The following SLC4A10 variants were observed in gnomAD, a reference collection of about 807,000 sequenced individuals.
SLC4A10 encodes solute carrier family 4 member 10.
In SLC4A10, 42 loss-of-function variants were observed where a neutral mutation model predicts 137.7. The observed-to-expected ratio is 0.30, with a 90% CI of 0.24 to 0.39. The LOEUF (loss-of-function observed/expected upper bound fraction) is 0.39, where lower values mean the gene tolerates loss of function less well. Ranked by LOEUF, SLC4A10 falls within the 10% of genes least tolerant of loss-of-function variation. The probability of loss-of-function intolerance (pLI) is 1.00; values close to 1 mark genes in which losing one functional copy is unlikely to be tolerated. For synonymous variants in SLC4A10, 474 were observed against 464.1 expected (o/e 1.02, Z -0.27); for missense variants, 925 against 1,355.0 (o/e 0.68, Z 4.98).
chr2:161,739,216 G>A (rs1253681058), intron 1 of SLC4A10, among the ~76,000 whole-genome samples: 2 of 152,042 alleles, frequency 1.3e-5, no homozygotes, highest in Admixed American at 6.6e-5. Flanking sequence ...TGCATCCTTC[G>A]CTACCCTCTT....
chr2:161,719,938 C>G (rs1172757893), intron 1 of SLC4A10, among the ~76,000 whole-genome samples: 1 of 152,252 alleles, frequency 6.6e-6, no homozygotes, highest in Admixed American at 6.5e-5. Flanking sequence ...GTTGCCATTG[C>G]GTTTGGTGTT....
At chr2:161,947,285 T>C (rs1320456524) in intron 16 of SLC4A10, among the ~76,000 whole-genome samples, 1 of 152,164 alleles carries the variant, frequency 6.6e-6, no homozygotes, top group Non-Finnish European at 1.5e-5. Context: ...TAGTAGATAT[T>C]AGATTTAATA....
chr2:161,695,137 T>C (rs533109632), intron 1 of SLC4A10, among the ~76,000 whole-genome samples: 1 of 152,152 alleles, frequency 6.6e-6, no homozygotes, highest in South Asian at 2.1e-4. Context: ...AACTTTACAA[T>C]ACAGAGAAAT....
At chr2:161,807,603 T>G (rs2056127477) in intron 3 of SLC4A10, among the ~76,000 whole-genome samples, 1 of 152,216 alleles carries the variant, frequency 6.6e-6, no homozygotes, top group Non-Finnish European at 1.5e-5. Context: ...CTAGTCTGAT[T>G]GCATAGCATG....
At chr2:161,814,003 G>C (rs1403311211) in intron 3 of SLC4A10, among the ~76,000 whole-genome samples, 1 of 151,978 alleles carries the variant, frequency 6.6e-6, no homozygotes, top group East Asian at 1.9e-4. Flanking sequence ...GATATCCACT[G>C]TTCTGGAAAC....
chr2:161,812,698 G>A (rs1388005268), intron 3 of SLC4A10, among the ~76,000 whole-genome samples: 1 of 151,994 alleles, frequency 6.6e-6, no homozygotes, highest in East Asian at 1.9e-4. Flanking sequence ...AGGATATGAT[G>A]TCATTCTTTT....
At chr2:161,751,582 A>T (rs1042734571) in intron 1 of SLC4A10, among the ~76,000 whole-genome samples, 4 of 151,740 alleles carry the variant, frequency 2.6e-5, no homozygotes, top group Non-Finnish European at 5.9e-5. Context: ...GAGGGAATTG[A>T]TCATATATAG....
chr2:161,811,856 A>G (rs1416294420), intron 3 of SLC4A10, among the ~76,000 whole-genome samples: 1 of 151,982 alleles, frequency 6.6e-6, no homozygotes, highest in Non-Finnish European at 1.5e-5. Context: ...GCCATTTCTA[A>G]TTTAATTGAC....
chr2:161,636,705 TAA>T, intron 1 of SLC4A10, among the ~76,000 whole-genome samples: 1 of 152,008 alleles, frequency 6.6e-6, no homozygotes, highest in South Asian at 2.1e-4. Context: ...TTTATTTTTT[TAA>T]GAGACAAGGT....
At chr2:161,731,812 C>G (rs2046848672) in intron 1 of SLC4A10, among the ~76,000 whole-genome samples, 2 of 152,028 alleles carry the variant, frequency 1.3e-5, no homozygotes, top group Admixed American at 1.3e-4. Context: ...TTTACTCTTT[C>G]TGGGCTGTTT....
At chr2:161,899,110 A>G (rs2063824383) in intron 11 of SLC4A10, among the ~76,000 whole-genome samples, 1 of 152,116 alleles carries the variant, frequency 6.6e-6, no homozygotes, top group Non-Finnish European at 1.5e-5. Flanking sequence ...TTGATGAAAT[A>G]GCCAAAGTCA....
chr2:161,974,292 A>T lies in SLC4A10; in HGVS notation c.3203A>T (p.Gln1068Leu), dbSNP rs769688923. 6.2e-7 allele frequency: 1 copy of T among 1,608,128 alleles called. No homozygotes were observed. Among genetic ancestry groups the T allele is most frequent in the African/African-American group, 1.3e-5 (1 of 74,928 alleles). The change falls in exon 24 of 27, where the codon CAA (glutamine) becomes CTA (leucine). Residue 1068 changes from glutamine (Q) to leucine (L), a missense_variant. Physicochemically the swap from Gln to Leu is moderately radical, Grantham distance 113. This residue lies in a region of SLC4A10 where 84 missense variants were observed against 76.9 expected (regional missense o/e 1.09). Transcript: ENST00000446997. ...GCTATGGAAGATGAGGGCACAGTAC[A>T]ACTCCCATTGGAAGGGCACTATAGG... ...MLAMEDEGTV[Q>L]LPLEGHYRDD...
chr2:161,626,186 G>C (rs2032324080), intron 1 of SLC4A10, among the ~76,000 whole-genome samples: 1 of 152,034 alleles, frequency 6.6e-6, no homozygotes, highest in African/African-American at 2.4e-5. Flanking sequence ...GGCTGGCAGT[G>C]GGGGTGGGGT....
chr2:161,969,549 T>C (rs746298312), intron 23 of SLC4A10, among the ~76,000 whole-genome samples: 1 of 152,144 alleles, frequency 6.6e-6, no homozygotes, highest in Admixed American at 6.5e-5. Flanking sequence ...GGCTACTTAC[T>C]GTTAAAGGCA....
chr2:161,844,366 AAC>A (rs781699083), intron 4 of SLC4A10, among the ~76,000 whole-genome samples: 7 of 152,126 alleles, frequency 4.6e-5, no homozygotes, highest in Non-Finnish European at 1.0e-4. Flanking sequence ...ATGGATTAAG[AAC>A]AGTTAATGTC....
Position 161,797,176 on chromosome 2 carries a change from G to A in SLC4A10, c.131-7273G>A, listed in dbSNP as rs180807169. On this transcript the variant is annotated intron_variant, in intron 2 of 26. Coordinates refer to ENST00000446997, the MANE Select transcript of SLC4A10 (RefSeq NM_001178015.2). ...AGCTTTGCTGATTATAAAAATATAT[G>A]CTCTATCTCATCTTGCCTTTTCTTC... Among the ~76,000 whole-genome samples the A allele has an allele frequency of 4.3e-3, 657 of 152,152 alleles. 2 individuals carry two copies. The highest frequency in any genetic ancestry group is 7.8e-3 in the Non-Finnish European group (529 of 67,984).
At chr2:161,855,172 AT>A in intron 5 of SLC4A10, 42 bp downstream of exon 5, 1 of 1,537,786 alleles carries the variant, frequency 6.5e-7, no homozygotes, top group Non-Finnish European at 8.8e-7. Flanking sequence ...GGTACAGCTA[AT>A]TTTTTGTTAC....
chr2:161,872,701 T>C (rs962919557), intron 7 of SLC4A10, among the ~76,000 whole-genome samples: 2 of 152,102 alleles, frequency 1.3e-5, no homozygotes, highest in Non-Finnish European at 2.9e-5. Flanking sequence ...TTTTTGTTTG[T>C]TTGTGTTTGT....
intron 3 of SLC4A10, among the ~76,000 whole-genome samples, chr2:161,828,806 A>G (rs79103052): frequency 0.027 from 3,200 of 120,112 alleles, 97 homozygotes; most frequent in African/African-American, 0.036. Flanking sequence ...ATATATATAT[A>G]TATGTATAAT....
Sources: allele counts gnomAD v4.1 joint callset (sites outside exome capture counted in the v4.1 genomes callset), GRCh38; gene constraint gnomAD v4.1.1; regional missense constraint gnomAD v4.1.1; transcripts MANE v1.5; gene names NCBI Gene and HGNC (gene_info 2026-07-23, HGNC 2026-07-21).